Variants in IVD observed in about 807,000 individuals in gnomAD.
The protein encoded by IVD is isovaleryl-CoA dehydrogenase, also known as isovaleryl-CoA dehydrogenase, mitochondrial.
IVD carries 31 observed loss-of-function variants against 51.3 expected under a neutral mutation model. The ratio of observed to expected loss-of-function variants is 0.60; its 90% CI spans 0.45 to 0.81. The LOEUF is 0.81. Among genes scored for constraint, IVD ranks in the 40% least tolerant of loss-of-function variants. The pLI is 0.00. For synonymous variants in IVD, 205 were observed against 219.4 expected (o/e 0.93, Z 0.58); for missense variants, 475 against 552.0 (o/e 0.86, Z 1.40).
chr15:40,423,213 T>C (rs967689103), downstream of IVD, among the ~76,000 whole-genome samples: 1 of 152,222 alleles, frequency 6.6e-6, no homozygotes, highest in Non-Finnish European at 1.5e-5. Context: ...GTTGGGATTA[T>C]AGGCGTTGAG....
Position 40,415,495 on chromosome 15 carries a change from C to T in IVD, c.960+13C>T. Reference sequence around the variant, plus strand: ...CGGCCACTTCCAGGTGAGCCGAGTGCTTTTGCTGACATGTACTCTTCAACT... The same window carrying T: ...CGGCCACTTCCAGGTGAGCCGAGTGTTTTTGCTGACATGTACTCTTCAACT... On this transcript the variant is annotated intron_variant, in intron 9 of 11. Coordinates refer to ENST00000487418, the MANE Select transcript of IVD (RefSeq NM_002225.5). 6.2e-7 allele frequency: 1 copy of T among 1,610,758 alleles called. No individual in the cohort carries two copies.
In IVD at chr15:40,415,436, A is replaced by G; in HGVS notation, c.914A>G (p.Tyr305Cys). 1 of 1,614,014 alleles carries G rather than the reference A, an allele frequency of 6.2e-7. No individual in the cohort carries two copies. Among genetic ancestry groups the G allele is most frequent in the Non-Finnish European group, 8.5e-7 (1 of 1,179,984 alleles). The change falls in exon 9 of 12, where the codon TAC becomes TGC. Residue 305 changes from tyrosine to cysteine, a missense_variant. By Grantham distance (194) the Tyr-to-Cys change is radical. Coordinates refer to ENST00000487418, the MANE Select transcript of IVD (RefSeq NM_002225.5). ...GCGGTCCTGGACCACACCATTCCCTACCTGCACGTGAGGGAAGCCTTTGGC... is the reference window on the plus strand; with the variant it reads ...GCGGTCCTGGACCACACCATTCCCTGCCTGCACGTGAGGGAAGCCTTTGGC... The part of the protein sequence containing the change: ...MQAVLDHTIP[Y>C]LHVREAFGQK...
At chr15:40,421,658 A>G (rs1308649592), downstream of IVD, among the ~76,000 whole-genome samples, 1 of 152,218 alleles carries the variant, frequency 6.6e-6, no homozygotes, top group East Asian at 1.9e-4. Context: ...CTGCAAGGCA[A>G]TCTTCTACAA....
chr15:40,406,809 G>A (rs971552156), intron 1 of IVD, among the ~76,000 whole-genome samples: 21 of 152,066 alleles, frequency 1.4e-4, no homozygotes, highest in Non-Finnish European at 2.2e-4. Flanking sequence ...CAAGTGGAAA[G>A]GGTTCAATCC....
chr15:40,409,993 T>C (rs1014051473), intron 3 of IVD, among the ~76,000 whole-genome samples: 16 of 152,066 alleles, frequency 1.1e-4, no homozygotes, highest in East Asian at 3.9e-4. Context: ...CCCGCCACCA[T>C]GCCCGGCTAA....
downstream of IVD, among the ~76,000 whole-genome samples, chr15:40,426,350 C>T (rs1341527784): frequency 1.3e-5 from 2 of 151,796 alleles, no homozygotes; most frequent in Non-Finnish European, 2.9e-5. Context: ...CAAGCCTGGC[C>T]AACATGGTGA....
exon 9 of IVD, chr15:40,435,530 G>C (rs1474038525): frequency 1.6e-6 from 2 of 1,225,770 alleles, no homozygotes; most frequent in African/African-American, 3.1e-5. Context: ...CCTCCTGCCT[G>C]AACTCACACC....
At chr15:40,410,909 G>C (rs1891005027) in intron 4 of IVD, 112 bp downstream of exon 4, 1 of 1,327,828 alleles carries the variant, frequency 7.5e-7, no homozygotes, top group African/African-American at 1.5e-5. Flanking sequence ...ATGCTGCCAT[G>C]AACCAAATGT....
chr15:40,431,949 C>A (rs1216853125), intron 7 of IVD, among the ~76,000 whole-genome samples: 3 of 149,452 alleles, frequency 2.0e-5, no homozygotes, highest in African/African-American at 7.3e-5. Flanking sequence ...AATTGTCAGG[C>A]CTCTCATATC....
At position 40,414,960 on chromosome 15, in the gene IVD, G is replaced by A. The variant is rs770077099; in HGVS notation, c.856G>A (p.Val286Met). Residue 286 changes from valine to methionine, a missense_variant, in exon 8 of 12, where the codon GTG (valine) becomes ATG (methionine). Coordinates refer to ENST00000487418, the MANE Select transcript of IVD (RefSeq NM_002225.5). ...LMSGLDLERL[V>M]LAGGPLGLMQ... ...GAGTGGGCTGGACCTGGAGCGGCTG[G>A]TGCTGGCCGGGGGGCCTCTTGGGTA... 1 of 1,614,082 alleles carries A rather than the reference G, an allele frequency of 6.2e-7. No homozygotes were observed.
downstream of IVD, among the ~76,000 whole-genome samples, chr15:40,426,995 C>T (rs1291451930): frequency 6.6e-6 from 1 of 152,162 alleles, no homozygotes; most frequent in Non-Finnish European, 1.5e-5. Context: ...GCCAGGCAGC[C>T]GGATGCTCCA....
rs978029489 is a variant in IVD, at chr15:40,419,101, A to G, written c.*838A>G. On this transcript the variant is annotated 3_prime_UTR_variant, in exon 12 of 12. Transcript: ENST00000487418. ...CAGTGAGCCGAGCTTGTGCCATTGC[A>G]CTCCAGCCTGGGCGACAAGAGCAAA... The G allele has an allele frequency of 1.7e-5, 21 of 1,249,904 alleles. 1 individual carries two copies. In the African/African-American group the frequency reaches 3.2e-4, roughly 19 times the overall value. 77.4% of individuals were successfully genotyped at this position (1,249,904 alleles called of 1,614,324 possible). A position where few individuals can be genotyped will look rare whatever the true frequency, so the allele number is the denominator to read the frequency against.
chr15:40,421,343 G>A (rs1347612629), downstream of IVD: 1 of 985,322 alleles, frequency 1.0e-6, no homozygotes, highest in African/African-American at 1.7e-5. Flanking sequence ...AAGAACAAGG[G>A]GCACGTCTAC....
downstream of IVD, among the ~76,000 whole-genome samples, chr15:40,421,979 A>AC (rs1441910156): frequency 6.6e-6 from 1 of 151,464 alleles, no homozygotes; most frequent in Non-Finnish European, 1.5e-5. Flanking sequence ...ATCTGTCGCG[A>AC]CCCCCAGCCT....
chr15:40,421,422 C>T, downstream of IVD: 1 of 983,822 alleles, frequency 1.0e-6, no homozygotes, highest in South Asian at 4.7e-5. Context: ...GCTGCCAGCA[C>T]TGCTCCTTCC....
intron 7 of IVD, among the ~76,000 whole-genome samples, chr15:40,432,643 C>G (rs1337565127): frequency 6.6e-6 from 1 of 152,266 alleles, no homozygotes; most frequent in Non-Finnish European, 1.5e-5. Context: ...GGCTGAGAGC[C>G]TGTAGGAGAT....
downstream of IVD, among the ~76,000 whole-genome samples, chr15:40,423,488 C>T (rs765036345): frequency 6.6e-6 from 1 of 152,164 alleles, no homozygotes. Flanking sequence ...AAGACGGAAT[C>T]TTGCGCTCTC....
rs1185052893 is a variant in IVD at position 40,416,283 on chromosome 15, C to A, written c.1066-7C>A. 6.2e-7 allele frequency: 1 copy of A among 1,614,232 alleles called. No individual in the cohort carries two copies. Among genetic ancestry groups the A allele is most frequent in the Non-Finnish European group, 8.5e-7 (1 of 1,180,044 alleles). On this transcript the variant is annotated splice_polypyrimidine_tract_variant and splice_region_variant and intron_variant, in intron 10 of 11. Transcript: ENST00000487418. The stretch of plus-strand genomic sequence containing the variant: ...AGGGCCCTGCTGACCCCAGCTTCCT[C>A]CCGTAGGACTGTGCAGGTGTGATTC...
Position 40,405,833 on chromosome 15 carries a change from G to A in IVD, c.6G>A (p.Ala2=). M[A]TATRLLGWRV... is the part of the protein sequence containing the mutation. ...GCTCTTCGTGCATGGCAGAGATGGC[G>A]ACTGCGACTCGGCTGCTGGGGTGGC... The change falls in exon 1 of 12, where the codon GCG becomes GCA. Residue 2 remains alanine, a synonymous_variant. Transcript: ENST00000487418. 1 of 1,611,896 alleles carries A rather than the reference G, an allele frequency of 6.2e-7. No homozygotes were observed. Among genetic ancestry groups the A allele is most frequent in the Non-Finnish European group, 8.5e-7 (1 of 1,178,502 alleles).
Sources: allele counts gnomAD v4.1 joint callset (sites outside exome capture counted in the v4.1 genomes callset), GRCh38; gene constraint gnomAD v4.1.1; transcripts MANE v1.5; gene names NCBI Gene and HGNC (gene_info 2026-07-23, HGNC 2026-07-21).